Variants in SIM1 observed in about 807,000 individuals in gnomAD.
The protein encoded by SIM1 is single-minded homolog 1.
In SIM1, 18 loss-of-function variants were observed where a neutral mutation model predicts 78.2. The ratio of observed to expected loss-of-function variants is 0.23; its 90% confidence interval spans 0.16 to 0.34. SIM1 has a LOEUF of 0.34. SIM1 is among the 10% of genes least tolerant of loss of function. The pLI is 1.00. For missense variants in SIM1, 939 were observed against 975.1 expected, an observed-to-expected ratio of 0.96 and a Z score of 0.49; for synonymous variants, 417 against 385.2, an observed-to-expected ratio of 1.08 and a Z score of -0.97.
At position 100,463,604 on chromosome 6, in the gene SIM1, A is replaced by C; in HGVS notation, c.-136T>G. On this transcript the variant is annotated 5_prime_UTR_variant, in exon 2 of 12. Coordinates refer to ENST00000369208, the MANE Select transcript of SIM1 (RefSeq NM_005068.3). ...TGAATAAAGAGGCTGAAGTATTTGCACCAAGAACAGTGTATTGATGGCAGT... is the reference window on the plus strand; with the variant it reads ...TGAATAAAGAGGCTGAAGTATTTGCCCCAAGAACAGTGTATTGATGGCAGT... The C allele has an allele frequency of 1.2e-6, 1 of 810,686 alleles. No homozygotes were observed. Among genetic ancestry groups the C allele is most frequent in the East Asian group, 2.5e-5 (1 of 40,586 alleles). 50.2% of individuals were successfully genotyped at this position (810,686 alleles called of 1,614,324 possible). A position where few individuals can be genotyped will look rare whatever the true frequency, so the allele number is the denominator to read the frequency against.
chr6:100,450,696 T>TCTCTCTCTCTCTCACA (rs1421452803), intron 3 of SIM1, among the ~76,000 whole-genome samples: 253 of 91,912 alleles, frequency 2.8e-3, no homozygotes, highest in East Asian at 0.013. Context: ...TCTCTCTCTC[T>TCTCTCTCTCTCTCACA]CACACACACA....
chr6:100,411,552 G>A (rs186490830), intron 10 of SIM1, among the ~76,000 whole-genome samples: 52 of 152,244 alleles, frequency 3.4e-4, no homozygotes, highest in African/African-American at 1.2e-3. Flanking sequence ...TCTTCTTGGG[G>A]TTTTTATATC....
intron 2 of SIM1, among the ~76,000 whole-genome samples, chr6:100,455,668 T>G (rs1406838940): frequency 6.6e-6 from 1 of 152,136 alleles, no homozygotes; most frequent in Admixed American, 6.5e-5. Context: ...ACGGAGGCCT[T>G]AAACCCCAAA....
At chr6:100,395,975 G>GA (rs1251753565) in intron 10 of SIM1, 15 of 379,548 alleles carry the variant, frequency 4.0e-5, no homozygotes, top group South Asian at 2.2e-4. Flanking sequence ...ATTCCATCAA[G>GA]AAAAAAAATT....
intron 9 of SIM1, among the ~76,000 whole-genome samples, chr6:100,441,951 C>G (rs1396142372): frequency 6.6e-6 from 1 of 152,198 alleles, no homozygotes; most frequent in Non-Finnish European, 1.5e-5. Context: ...CCTTCCACTT[C>G]CACCCCTATA....
At chr6:100,426,588 G>A (rs1340900952) in intron 9 of SIM1, among the ~76,000 whole-genome samples, 1 of 152,104 alleles carries the variant, frequency 6.6e-6, no homozygotes, top group Non-Finnish European at 1.5e-5. Context: ...ATTTCAACTG[G>A]GAGAATGGCC....
chr6:100,391,316 C>T (rs1770634966), intron 11 of SIM1, among the ~76,000 whole-genome samples: 1 of 152,106 alleles, frequency 6.6e-6, no homozygotes, highest in Non-Finnish European at 1.5e-5. Flanking sequence ...AAATGCAGAC[C>T]AAGTTTATAA....
chr6:100,409,209 T>G (rs1052180649), intron 10 of SIM1, among the ~76,000 whole-genome samples: 15 of 152,162 alleles, frequency 9.9e-5, no homozygotes, highest in African/African-American at 3.6e-4. Context: ...ACCCATTAAC[T>G]TGTCATTTAA....
At chr6:100,440,435 G>T (rs1772179589) in intron 9 of SIM1, among the ~76,000 whole-genome samples, 1 of 152,214 alleles carries the variant, frequency 6.6e-6, no homozygotes, top group Non-Finnish European at 1.5e-5. Flanking sequence ...ACTTTCTGGA[G>T]ATGGCCCAGG....
At chr6:100,395,820 A>G (rs1770752699) in intron 10 of SIM1, among the ~76,000 whole-genome samples, 1 of 152,236 alleles carries the variant, frequency 6.6e-6, no homozygotes, top group South Asian at 2.1e-4. Context: ...TGAACTACAC[A>G]GGTTCCTCTG....
intron 9 of SIM1, among the ~76,000 whole-genome samples, chr6:100,422,558 G>C (rs1771620520): frequency 6.6e-6 from 1 of 152,054 alleles, no homozygotes; most frequent in South Asian, 2.1e-4. Context: ...CACATTCCAT[G>C]GATCAGCAAA....
chr6:100,404,430 A>G (rs939683220), intron 10 of SIM1, among the ~76,000 whole-genome samples: 3 of 152,216 alleles, frequency 2.0e-5, no homozygotes, highest in African/African-American at 4.8e-5. Flanking sequence ...CTTTCACTCT[A>G]TCAGGCATGA....
At chr6:100,456,879 GCA>G (rs1772677885) in intron 2 of SIM1, among the ~76,000 whole-genome samples, 1 of 152,156 alleles carries the variant, frequency 6.6e-6, no homozygotes, top group South Asian at 2.1e-4. Flanking sequence ...TGGACTGACT[GCA>G]CGGGTTTTGT....
At chr6:100,450,589 C>A (rs1260358913) in intron 3 of SIM1, among the ~76,000 whole-genome samples, 2 of 152,006 alleles carry the variant, frequency 1.3e-5, no homozygotes, top group African/African-American at 4.8e-5. Context: ...AATTGGTGGA[C>A]AAGGCTAGTG....
Position 100,408,659 on chromosome 6 carries a change from A to G in SIM1, c.1167+12131T>C, listed in dbSNP as rs2839991. Among the ~76,000 whole-genome samples, 1,216 of 152,218 alleles carry G rather than the reference A, an allele frequency of 8.0e-3. 16 individuals carry two copies. Among genetic ancestry groups the G allele is most frequent in the African/African-American group, 0.028 (1,161 of 41,546 alleles). ...TTTATCAAATGCTTTTTCAGCATGT[A>G]TTGAGATGATCACATGATTTTTATC... On this transcript the variant is annotated intron_variant, in intron 10 of 11. Coordinates refer to ENST00000369208, the MANE Select transcript of SIM1 (RefSeq NM_005068.3).
At chr6:100,450,748 AT>A (rs1772495973) in intron 3 of SIM1, among the ~76,000 whole-genome samples, 1 of 149,366 alleles carries the variant, frequency 6.7e-6, no homozygotes, top group Admixed American at 6.7e-5. Flanking sequence ...AGGGGGAAAA[AT>A]CACAGCCTAT....
rs1770607009 is a variant in SIM1, at chr6:100,390,437, G to A, written c.2225C>T (p.Thr742Ile). 2 of 1,614,158 alleles carry A rather than the reference G, an allele frequency of 1.2e-6. No individual in the cohort carries two copies. The highest frequency in any genetic ancestry group is 2.2e-5 in the East Asian group (1 of 44,886). The change falls in exon 12 of 12, where the codon ACT becomes ATT. Residue 742 changes from threonine to isoleucine, a missense_variant. This residue lies in a region of SIM1 where 556 missense variants were observed against 521.9 expected (regional missense o/e 1.07). Coordinates refer to ENST00000369208, the MANE Select transcript of SIM1 (RefSeq NM_005068.3). ...GTCTGGTTGCATCCTCAGATGGGAA[G>A]TTACATCAAAGTGTGAGCCATTACA... ...LGCNGSHFDV[T>I]SHLRMQPDPA... is the part of the protein sequence containing the mutation.
At chr6:100,393,938 G>C in intron 10 of SIM1, 49 bp from the exon 11 acceptor site, 1 of 1,503,678 alleles carries the variant, frequency 6.7e-7, no homozygotes, top group Non-Finnish European at 8.9e-7. Context: ...CAATCGATCA[G>C]TAAGAGAAAA....
At chr6:100,416,979 C>CAAA (rs113557389) in intron 10 of SIM1, among the ~76,000 whole-genome samples, 12 of 141,394 alleles carry the variant, frequency 8.5e-5, no homozygotes, top group East Asian at 2.0e-4. Flanking sequence ...TACTAGTTCT[C>CAAA]AAAAAAAAAA....
Sources: allele counts gnomAD v4.1 joint callset (sites outside exome capture counted in the v4.1 genomes callset), GRCh38; gene constraint gnomAD v4.1.1; regional missense constraint gnomAD v4.1.1; transcripts MANE v1.5; gene names NCBI Gene and HGNC (gene_info 2026-07-23, HGNC 2026-07-21).